ZNF385D: variants seen among roughly 807,000 people sequenced by gnomAD.
The protein encoded by ZNF385D is zinc finger protein 385D, also known as zinc finger protein 659.
ZNF385D carries 15 observed loss-of-function variants against 35.8 expected under a neutral mutation model. The observed-to-expected ratio is 0.42, with a 90% CI of 0.28 to 0.64. The LOEUF (loss-of-function observed/expected upper bound fraction) is 0.64. Ranked by LOEUF, ZNF385D falls within the 30% of genes least tolerant of loss-of-function variation. The pLI is 0.23. For missense variants in ZNF385D, 474 were observed against 494.6 expected, an observed-to-expected ratio of 0.96 and a Z score of 0.39; for synonymous variants, 212 against 186.8, an observed-to-expected ratio of 1.13 and a Z score of -1.10.
At chr3:22,229,790 G>C (rs1218138055) in intron 2 of ZNF385D, among the ~76,000 whole-genome samples, 1 of 152,046 alleles carries the variant, frequency 6.6e-6, no homozygotes, top group Non-Finnish European at 1.5e-5. Context: ...TATCAAGGCA[G>C]GGTCTCTGAG....
chr3:21,988,688 G>A (rs1251073622), intron 3 of ZNF385D, among the ~76,000 whole-genome samples: 3 of 151,504 alleles, frequency 2.0e-5, no homozygotes, highest in Admixed American at 6.5e-5. Context: ...GAGCTGTGGT[G>A]GGCTCCACCC....
intron 2 of ZNF385D, among the ~76,000 whole-genome samples, chr3:22,205,579 T>A (rs1697093390): frequency 6.6e-6 from 1 of 151,848 alleles, no homozygotes; most frequent in Non-Finnish European, 1.5e-5. Context: ...TAAATAGAAA[T>A]AACAAAAAGT....
At chr3:22,036,627 T>TG (rs1698335910) in intron 3 of ZNF385D, among the ~76,000 whole-genome samples, 1 of 151,330 alleles carries the variant, frequency 6.6e-6, no homozygotes, top group African/African-American at 2.4e-5. Flanking sequence ...GCTTACAAAT[T>TG]GCAAAAACAA....
At chr3:21,455,956 A>C (rs1180689828) in intron 4 of ZNF385D, among the ~76,000 whole-genome samples, 1 of 152,232 alleles carries the variant, frequency 6.6e-6, no homozygotes, top group Non-Finnish European at 1.5e-5. Flanking sequence ...AAAAGAAGAC[A>C]TTTATGCAGC....
At chr3:22,292,506 C>T (rs1702350805) in intron 2 of ZNF385D, among the ~76,000 whole-genome samples, 1 of 151,982 alleles carries the variant, frequency 6.6e-6, no homozygotes, top group South Asian at 2.1e-4. Flanking sequence ...AGTACTGGCA[C>T]TATTTCTAGA....
chr3:21,446,256 A>G lies in ZNF385D; in HGVS notation c.440-9053T>C, dbSNP rs189522617. ...ATTAACTGGTCTCAGCTCTAAAGCTAAATGTCATTTAAACAGCAAGTCATG... is the reference window on the plus strand; with the variant it reads ...ATTAACTGGTCTCAGCTCTAAAGCTGAATGTCATTTAAACAGCAAGTCATG... On this transcript the variant is annotated intron_variant, in intron 4 of 7. Coordinates refer to ENST00000281523, the MANE Select transcript of ZNF385D (RefSeq NM_024697.3). Among the ~76,000 whole-genome samples, 296 of 152,272 alleles carry G rather than the reference A, an allele frequency of 1.9e-3. 1 individual carries two copies. Among genetic ancestry groups the G allele is most frequent in the Admixed American group, 6.7e-3 (103 of 15,292 alleles).
Position 21,518,374 on chromosome 3 carries a change from A to AT in ZNF385D, c.277-7352dup, listed in dbSNP as rs543436723. On this transcript the variant is annotated intron_variant, in intron 3 of 7. Coordinates refer to ENST00000281523, the MANE Select transcript of ZNF385D (RefSeq NM_024697.3). ...TATGAGTGCTTTCCAAGTCCTTGCGATTTTCTCTTTCCAGATTTTATCTTT... is the reference window on the plus strand; with the variant it reads ...TATGAGTGCTTTCCAAGTCCTTGCGATTTTTCTCTTTCCAGATTTTATCTTT... 4.8e-3 allele frequency among the ~76,000 whole-genome samples: 735 copies of AT among 152,088 alleles called. 5 individuals are homozygous for AT. The highest frequency in any genetic ancestry group is 6.0e-3 in the South Asian group (29 of 4,822).
intron 2 of ZNF385D, among the ~76,000 whole-genome samples, chr3:22,180,742 A>C (rs970583719): frequency 6.6e-6 from 1 of 152,174 alleles, no homozygotes; most frequent in Non-Finnish European, 1.5e-5. Context: ...ACAACGCTTC[A>C]TGCTAAAAAC....
intron 2 of ZNF385D, among the ~76,000 whole-genome samples, chr3:22,270,653 G>A (rs1032676304): frequency 3.3e-5 from 5 of 149,874 alleles, no homozygotes; most frequent in Admixed American, 6.6e-5. Flanking sequence ...GCTACATGAT[G>A]TGAGATCTTT....
chr3:22,007,173 C>T (rs1696262823), intron 3 of ZNF385D, among the ~76,000 whole-genome samples: 1 of 152,134 alleles, frequency 6.6e-6, no homozygotes, highest in Admixed American at 6.5e-5. Context: ...CATTTTCATC[C>T]ATACCTATTA....
chr3:21,532,700 C>G (rs950127671), intron 3 of ZNF385D, among the ~76,000 whole-genome samples: 2 of 149,886 alleles, frequency 1.3e-5, no homozygotes, highest in African/African-American at 4.9e-5. Context: ...AAAAACAGAT[C>G]TAGTAACTTT....
At chr3:22,088,823 T>C (rs1165965659) in intron 3 of ZNF385D, among the ~76,000 whole-genome samples, 1 of 152,114 alleles carries the variant, frequency 6.6e-6, no homozygotes, top group African/African-American at 2.4e-5. Context: ...CAGTGACCAA[T>C]GAGAATTGAG....
intron 1 of ZNF385D, among the ~76,000 whole-genome samples, chr3:21,682,215 T>TCTCTCTCTCTCTCTCTCTCTCCC (rs1553636604): frequency 7.3e-5 from 11 of 151,188 alleles, no homozygotes; most frequent in South Asian, 4.2e-4. Flanking sequence ...GTTTTTAGTT[T>TCTCTCTCTCTCTCTCTCTCTCCC]AGCTTTGTCC....
intron 3 of ZNF385D, among the ~76,000 whole-genome samples, chr3:21,796,541 C>A (rs933301003): frequency 2.6e-5 from 4 of 151,896 alleles, no homozygotes; most frequent in Non-Finnish European, 4.4e-5. Flanking sequence ...TGGATATCCA[C>A]ATGCAAAAAA....
intron 3 of ZNF385D, among the ~76,000 whole-genome samples, chr3:21,854,777 T>C (rs1273763829): frequency 6.6e-6 from 1 of 151,974 alleles, no homozygotes; most frequent in East Asian, 1.9e-4. Context: ...TAAATATTTG[T>C]TGACTGATAG....
chr3:21,878,386 T>C (rs969456296), intron 3 of ZNF385D, among the ~76,000 whole-genome samples: 3 of 152,034 alleles, frequency 2.0e-5, no homozygotes, highest in African/African-American at 4.8e-5. Context: ...AGGAACTCCC[T>C]ACTATCAGTT....
chr3:21,970,607 TAG>T (rs373534656), intron 3 of ZNF385D, among the ~76,000 whole-genome samples: 15 of 147,998 alleles, frequency 1.0e-4, no homozygotes, highest in Admixed American at 2.7e-4. Flanking sequence ...CCTTAAAGAG[TAG>T]AGAGAGAGAG....
upstream of ZNF385D, among the ~76,000 whole-genome samples, chr3:21,755,544 T>C (rs1208081006): frequency 1.3e-5 from 2 of 152,202 alleles, no homozygotes; most frequent in African/African-American, 4.8e-5. Context: ...TCTGTTTAAA[T>C]ATTATGTCTT....
At chr3:21,482,422 C>A (rs897191429) in intron 4 of ZNF385D, among the ~76,000 whole-genome samples, 3 of 152,150 alleles carry the variant, frequency 2.0e-5, no homozygotes, top group Non-Finnish European at 4.4e-5. Context: ...TCTGCAAAGA[C>A]CAAAATGTTT....
Sources: gnomAD v4.1 joint callset for allele counts (sites outside exome capture counted in the v4.1 genomes callset) on GRCh38, gnomAD v4.1.1 for gene constraint, MANE v1.5 for transcripts, NCBI Gene and HGNC (gene_info 2026-07-23, HGNC 2026-07-21) for gene names.